MMP26: variants seen among roughly 807,000 people sequenced by gnomAD.
MMP26 encodes the protein matrix metallopeptidase 26.
MMP26 carries 33 observed loss-of-function variants against 31.0 expected under a neutral mutation model. That is an observed-to-expected ratio of 1.06 (90% CI 0.81 to 1.42). MMP26 has a LOEUF of 1.42. Ranked by LOEUF, MMP26 falls within the 40% of genes most tolerant of loss-of-function variation. The pLI is 0.00. For missense variants in MMP26, 347 were observed against 316.1 expected (o/e 1.10, Z -0.74); for synonymous variants, 122 against 114.9 (o/e 1.06, Z -0.40).
At chr11:4,924,911 A>G (rs1851247296) in intron 2 of MMP26, among the ~76,000 whole-genome samples, 1 of 152,180 alleles carries the variant, frequency 6.6e-6, no homozygotes, top group Non-Finnish European at 1.5e-5. Context: ...GTAATATCTG[A>G]ACTGAGTTCT....
At chr11:4,900,043 G>A (rs1006428583) in intron 2 of MMP26, among the ~76,000 whole-genome samples, 2 of 152,088 alleles carry the variant, frequency 1.3e-5, no homozygotes, top group African/African-American at 4.8e-5. Flanking sequence ...TGACGCATCT[G>A]GGGTATGTTG....
At chr11:4,923,544 A>G in intron 2 of MMP26, 1 of 1,614,156 alleles carries the variant, frequency 6.2e-7, no homozygotes, top group Non-Finnish European at 8.5e-7. Context: ...TGTTCACCAA[A>G]GCGATGCACA....
intron 2 of MMP26, among the ~76,000 whole-genome samples, chr11:4,961,538 T>A (rs1397982992): frequency 6.6e-6 from 1 of 152,260 alleles, no homozygotes; most frequent in Non-Finnish European, 1.5e-5. Flanking sequence ...TCACCCCTTG[T>A]CAATTTGGCA....
chr11:4,913,142 G>T (rs1048368915), intron 2 of MMP26: 1 of 152,100 alleles, frequency 6.6e-6, no homozygotes, highest in Non-Finnish European at 1.5e-5. Context: ...CAACTTTGTG[G>T]CTAAATAAGC....
At chr11:4,845,377 T>G (rs192478050) in intron 2 of MMP26, among the ~76,000 whole-genome samples, 1 of 152,218 alleles carries the variant, frequency 6.6e-6, no homozygotes, top group African/African-American at 2.4e-5. Context: ...AAAATATCAA[T>G]GACATTCTTC....
intron 2 of MMP26, among the ~76,000 whole-genome samples, chr11:4,870,417 A>G (rs1218690273): frequency 6.6e-6 from 1 of 152,146 alleles, no homozygotes; most frequent in Non-Finnish European, 1.5e-5. Context: ...ATAAAAGAAA[A>G]TGGGGCTACA....
chr11:4,744,467 G>A (rs915759699), intron 1 of MMP26, among the ~76,000 whole-genome samples: 5 of 152,048 alleles, frequency 3.3e-5, no homozygotes, highest in Non-Finnish European at 4.4e-5. Flanking sequence ...ATCGTCTAAC[G>A]TTAATGCATG....
At chr11:4,768,020 A>C (rs1283471638) in intron 2 of MMP26, among the ~76,000 whole-genome samples, 1 of 152,166 alleles carries the variant, frequency 6.6e-6, no homozygotes, top group Non-Finnish European at 1.5e-5. Flanking sequence ...TGAATTCTTT[A>C]CCTTGGTTCT....
At chr11:4,795,624 T>C (rs1371625268) in intron 2 of MMP26, among the ~76,000 whole-genome samples, 1 of 152,226 alleles carries the variant, frequency 6.6e-6, no homozygotes, top group Non-Finnish European at 1.5e-5. Flanking sequence ...CAAATGGAAA[T>C]GAGTCACATT....
intron 2 of MMP26, among the ~76,000 whole-genome samples, chr11:4,942,680 A>C (rs1400076414): frequency 6.6e-6 from 1 of 152,102 alleles, no homozygotes; most frequent in East Asian, 1.9e-4. Context: ...TTAAGTTCTG[A>C]TTATTTTAAG....
intron 1 of MMP26, among the ~76,000 whole-genome samples, chr11:4,747,870 A>G (rs1405603984): frequency 6.6e-6 from 1 of 152,126 alleles, no homozygotes; most frequent in Non-Finnish European, 1.5e-5. Context: ...AAGTTAACCT[A>G]ACATCATACA....
intron 2 of MMP26, among the ~76,000 whole-genome samples, chr11:4,837,991 C>A (rs1849741486): frequency 6.6e-6 from 1 of 151,500 alleles, no homozygotes; most frequent in Non-Finnish European, 1.5e-5. Context: ...GTTGTATATG[C>A]AAGAAAAAGG....
intron 2 of MMP26, among the ~76,000 whole-genome samples, chr11:4,974,624 A>G (rs1846711556): frequency 1.3e-5 from 2 of 152,054 alleles, no homozygotes; most frequent in Admixed American, 6.5e-5. Context: ...CTACCATCCC[A>G]TGCTGTTCTT....
chr11:4,882,059 A>G, intron 2 of MMP26: 1 of 1,613,858 alleles, frequency 6.2e-7, no homozygotes, highest in Non-Finnish European at 8.5e-7. Context: ...CATCATTACT[A>G]AGCGGAGACT....
At chr11:4,818,482 G>A (rs1726136323) in intron 2 of MMP26, among the ~76,000 whole-genome samples, 1 of 148,026 alleles carries the variant, frequency 6.8e-6, no homozygotes, top group African/African-American at 2.6e-5. Context: ...TTTCTTGACT[G>A]TCTTTGAAAA....
At position 4,946,664 on chromosome 11, in the gene MMP26, A is replaced by T. The variant is rs768281449; in HGVS notation, c.-144-41404A>T. ...GCTCTTAAAGGAGAATACTATCCCT[A>T]TTTGGGCAACTCTGACAGTTGTCAG... On this transcript the variant is annotated intron_variant, in intron 2 of 7. Transcript: ENST00000380390. 2.5e-5 allele frequency: 40 copies of T among 1,592,034 alleles called. 3 individuals are homozygous for T. Among genetic ancestry groups the T allele is most frequent in the Non-Finnish European group, 3.3e-5 (38 of 1,163,470 alleles).
intron 2 of MMP26, chr11:4,889,786 G>T: frequency 5.9e-6 from 1 of 169,890 alleles, no homozygotes; most frequent in Admixed American, 5.7e-5. Context: ...CGGGCGCATA[G>T]AAGATAAGCA....
chr11:4,711,928 C>A (rs1847868176), intron 1 of MMP26: 1 of 152,130 alleles, frequency 6.6e-6, no homozygotes, highest in African/African-American at 2.4e-5. Flanking sequence ...ACATACCCAC[C>A]TCTTTCTTTT....
At chr11:4,712,005 T>A (rs1430872976) in intron 1 of MMP26, 1 of 152,188 alleles carries the variant, frequency 6.6e-6, no homozygotes, top group African/African-American at 2.4e-5. Context: ...GGGAGTCAGA[T>A]TTCTCTTCCC....
Sources: allele counts gnomAD v4.1 joint callset (sites outside exome capture counted in the v4.1 genomes callset), GRCh38; gene constraint gnomAD v4.1.1; transcripts MANE v1.5; gene names NCBI Gene and HGNC (gene_info 2026-07-23, HGNC 2026-07-21).